TBL1X: variants seen among roughly 807,000 people sequenced by gnomAD.
TBL1X encodes the protein transducin beta like 1 X-linked, also known as F-box-like/WD repeat-containing protein TBL1X.
TBL1X carries 10 observed loss-of-function variants against 50.7 expected under a neutral mutation model. The observed-to-expected ratio is 0.20, with a 90% CI of 0.12 to 0.33. The LOEUF (loss-of-function observed/expected upper bound fraction) is 0.33, where lower values mean the gene tolerates loss of function less well. Among genes scored for constraint, TBL1X ranks in the 10% least tolerant of loss-of-function variants. The pLI, the probability that TBL1X is intolerant of heterozygous loss-of-function variation, is 1.00. For missense variants in TBL1X, 340 were observed against 504.4 expected (o/e 0.67, Z 3.12); for synonymous variants, 190 against 214.7 (o/e 0.88, Z 1.01).
intron 2 of TBL1X, among the ~76,000 whole-genome samples, chrX:9,624,449 A>G (rs778594309): frequency 7.1e-5 from 8 of 111,907 alleles, no homozygotes; most frequent in South Asian, 7.5e-4. Context: ...ACCCAACTCT[A>G]CTGTAGGTGC....
chrX:9,556,348 A>G (rs1379042723), intron 2 of TBL1X, among the ~76,000 whole-genome samples: 3 of 110,845 alleles, frequency 2.7e-5, no homozygotes, highest in African/African-American at 9.8e-5. Flanking sequence ...GCTTAAAACT[A>G]CACACATTTA....
chrX:9,661,227 A>C (rs2082896720), intron 5 of TBL1X, among the ~76,000 whole-genome samples: 1 of 112,688 alleles, frequency 8.9e-6, no homozygotes. Context: ...CATTTCGTGA[A>C]GCTTCCATGC....
chrX:9,713,062 CA>C (rs34476339), intron 16 of TBL1X, among the ~76,000 whole-genome samples: 7 of 110,110 alleles, frequency 6.4e-5, no homozygotes, highest in African/African-American at 2.3e-4. Context: ...CCTGTGGACT[CA>C]ATGGTGATGA....
rs1601825184 is a variant in TBL1X at position 9,664,439 on chromosome X, A to G, written c.211+10117A>G. 2.7e-5 allele frequency among the ~76,000 whole-genome samples: 3 copies of G among 111,302 alleles called. No individual in the cohort carries two copies. In the Middle Eastern group the frequency reaches 0.014, roughly 511 times the overall value. ...CCTATTAACTGAGAAATGGATGGCC[A>G]CACAGACACTGTGGGGCCGTTGGAA... is the stretch of plus-strand genomic sequence containing the variant. On this transcript the variant is annotated intron_variant, in intron 5 of 17. Coordinates refer to ENST00000645353, the MANE Select transcript of TBL1X (RefSeq NM_005647.4).
chrX:9,541,734 G>T (rs1449886478), intron 2 of TBL1X, among the ~76,000 whole-genome samples: 2 of 111,503 alleles, frequency 1.8e-5, no homozygotes, highest in African/African-American at 6.5e-5. Flanking sequence ...CCACCTCCAG[G>T]TTGGACCAGG....
chrX:9,708,040 G>A (rs993754866), intron 13 of TBL1X, among the ~76,000 whole-genome samples: 4 of 112,071 alleles, frequency 3.6e-5, no homozygotes, highest in Admixed American at 9.4e-5. Context: ...TTGTTAGGCC[G>A]GGACAGCAGG....
chrX:9,543,350 C>G (rs1182967229), intron 2 of TBL1X, among the ~76,000 whole-genome samples: 1 of 111,822 alleles, frequency 8.9e-6, no homozygotes. Context: ...TTGGCCATAT[C>G]CAAGCTCTGC....
chrX:9,567,576 G>A (rs768013171), intron 2 of TBL1X, among the ~76,000 whole-genome samples: 3 of 111,974 alleles, frequency 2.7e-5, no homozygotes, highest in South Asian at 3.8e-4. Flanking sequence ...CGGTTGTCCA[G>A]TATTTTGGTG....
chrX:9,484,916 TAAAAA>T (rs760004328), intron 1 of TBL1X, among the ~76,000 whole-genome samples: 2 of 41,299 alleles, frequency 4.8e-5, no homozygotes. Flanking sequence ...ACCCTGGCAC[TAAAAA>T]AAAAAAAAAA....
intron 5 of TBL1X, among the ~76,000 whole-genome samples, chrX:9,665,488 GCTATATATATAT>G (rs1410315609): frequency 3.3e-4 from 5 of 15,065 alleles, no homozygotes; most frequent in East Asian, 2.8e-3. Context: ...TGATATTCAA[GCTATATATATAT>G]ATATATATAT....
At position 9,515,545 on chromosome X, in the gene TBL1X, G is replaced by A. The variant is rs149576538; in HGVS notation, c.-131+13696G>A. ...CGGAGCCAGATCATCGAACATCCCC[G>A]TCCAGGAATCTGGACATGCACTGGT... On this transcript the variant is annotated intron_variant, in intron 2 of 17. Coordinates refer to ENST00000645353, the MANE Select transcript of TBL1X (RefSeq NM_005647.4). 5.4e-3 allele frequency among the ~76,000 whole-genome samples: 602 copies of A among 112,046 alleles called. 10 individuals are homozygous for A. The highest frequency in any genetic ancestry group is 0.018 in the African/African-American group (566 of 30,903).
chrX:9,659,270 C>T lies in TBL1X; in HGVS notation c.211+4948C>T, dbSNP rs527650459. Among the ~76,000 whole-genome samples, 15 of 112,613 alleles carry T rather than the reference C, an allele frequency of 1.3e-4. No homozygotes were observed. The South Asian group carries it at 5.1e-3, about 38-fold the overall frequency. ...TTGTATCCCTTTGTACTCAGCTCCT[C>T]TTCCACCCCCACCCTGCCCCGGCAA... On this transcript the variant is annotated intron_variant, in intron 5 of 17. Coordinates refer to ENST00000645353, the MANE Select transcript of TBL1X (RefSeq NM_005647.4).
At chrX:9,556,200 CA>C (rs1569054301) in intron 2 of TBL1X, among the ~76,000 whole-genome samples, 16 of 23,499 alleles carry the variant, frequency 6.8e-4, no homozygotes, top group African/African-American at 1.5e-3. Flanking sequence ...AAAAAAAAAA[CA>C]AAACAAAACA....
chrX:9,489,171 A>C (rs2081928897), intron 1 of TBL1X, among the ~76,000 whole-genome samples: 1 of 109,848 alleles, frequency 9.1e-6, no homozygotes, highest in South Asian at 4.0e-4. Flanking sequence ...AGTCTGTGTC[A>C]GCTGTGGGTA....
rs1265320534 is a variant in TBL1X, at chrX:9,693,367, C to T, written c.1001C>T (p.Ala334Val). The change falls in exon 11 of 18, where the codon GCC becomes GTC. Residue 334 changes from alanine (A) to valine (V), a missense_variant. Ala to Val is a moderately conservative substitution (Grantham distance 64). This residue lies in a region of TBL1X where 170 missense variants were observed against 272.6 expected (regional missense o/e 0.62). Transcript: ENST00000645353. ...GGCCAACATAAAGGCCCCATCTTTG[C>T]CTTGAAATGGAACCGAAAGGGGAAT... ...TLGQHKGPIF[A>V]LKWNRKGNYI... is the part of the protein sequence containing the mutation. 1 of 1,210,749 alleles carries T rather than the reference C, an allele frequency of 8.3e-7. No individual in the cohort carries two copies. Among genetic ancestry groups the T allele is most frequent in the Non-Finnish European group, 1.1e-6 (1 of 894,992 alleles).
intron 2 of TBL1X, among the ~76,000 whole-genome samples, chrX:9,611,281 A>C (rs1280535076): frequency 8.9e-6 from 1 of 112,429 alleles, no homozygotes; most frequent in Non-Finnish European, 1.9e-5. Context: ...CTCCCACCAA[A>C]ATAAACATAC....
At chrX:9,685,776 A>G (rs1396828069) in intron 6 of TBL1X, among the ~76,000 whole-genome samples, 1 of 87,291 alleles carries the variant, frequency 1.1e-5, no homozygotes, top group African/African-American at 4.6e-5. Context: ...AGGTGGGAGT[A>G]CAGTGGTACA....
intron 5 of TBL1X, among the ~76,000 whole-genome samples, chrX:9,658,763 G>A: frequency 9.0e-6 from 1 of 111,557 alleles, no homozygotes; most frequent in Non-Finnish European, 1.9e-5. Context: ...AGATAATCGG[G>A]TGATACATTC....
intron 2 of TBL1X, among the ~76,000 whole-genome samples, chrX:9,630,486 T>G (rs1275601517): frequency 8.9e-6 from 1 of 112,707 alleles, no homozygotes; most frequent in Non-Finnish European, 1.9e-5. Context: ...TATGCACATC[T>G]TCCTGTAAAC....
Sources: allele counts gnomAD v4.1 joint callset (sites outside exome capture counted in the v4.1 genomes callset), GRCh38; gene constraint gnomAD v4.1.1; regional missense constraint gnomAD v4.1.1; transcripts MANE v1.5; gene names NCBI Gene and HGNC (gene_info 2026-07-23, HGNC 2026-07-21).